Variants in EHBP1 observed in about 807,000 individuals in gnomAD.
The protein encoded by EHBP1 is EH domain-binding protein 1.
Under a neutral mutation model 144.0 loss-of-function variants are expected in EHBP1, and 55 were observed. That is an observed-to-expected ratio of 0.38 (90% CI 0.31 to 0.48). The LOEUF is 0.48. EHBP1 is among the 20% of genes least tolerant of loss of function. EHBP1 has a pLI of 0.98. For synonymous variants in EHBP1, 469 were observed against 472.7 expected (o/e 0.99, Z 0.10); for missense variants, 1,200 against 1,364.2 (o/e 0.88, Z 1.90).
At chr2:62,828,462 A>G (rs927577265) in intron 6 of EHBP1, among the ~76,000 whole-genome samples, 1 of 152,230 alleles carries the variant, frequency 6.6e-6, no homozygotes, top group Non-Finnish European at 1.5e-5. Flanking sequence ...TATCAAATAC[A>G]TGGTATTTAA....
intron 10 of EHBP1, among the ~76,000 whole-genome samples, chr2:62,935,672 T>A (rs562561093): frequency 2.6e-5 from 4 of 152,290 alleles, no homozygotes; most frequent in African/African-American, 4.8e-5. Context: ...GTTTCTTTTT[T>A]AATACATTTT....
chr2:62,746,400 A>G (rs952467188), intron 2 of EHBP1, among the ~76,000 whole-genome samples: 24 of 151,954 alleles, frequency 1.6e-4, no homozygotes, highest in Non-Finnish European at 5.9e-5. Context: ...ATATATATAT[A>G]TGTATTTAAT....
chr2:62,999,296 A>G (rs1467797748), intron 19 of EHBP1, among the ~76,000 whole-genome samples: 1 of 152,174 alleles, frequency 6.6e-6, no homozygotes, highest in Non-Finnish European at 1.5e-5. Context: ...ATATACTTGT[A>G]GATACTGACT....
intron 19 of EHBP1, among the ~76,000 whole-genome samples, chr2:63,027,599 C>G (rs989023875): frequency 1.3e-5 from 2 of 152,168 alleles, no homozygotes; most frequent in Non-Finnish European, 2.9e-5. Flanking sequence ...GGTTTGAGAA[C>G]AAATGTGGGT....
chr2:62,702,312 C>T (rs948648947), upstream of EHBP1, among the ~76,000 whole-genome samples: 4 of 152,154 alleles, frequency 2.6e-5, no homozygotes, highest in South Asian at 6.2e-4. Flanking sequence ...TTGCAGTCAA[C>T]AACCTGGGTC....
intron 19 of EHBP1, among the ~76,000 whole-genome samples, chr2:63,010,692 G>A (rs2060227791): frequency 6.6e-6 from 1 of 151,590 alleles, no homozygotes; most frequent in Admixed American, 6.6e-5. Context: ...AGTTTCCTAG[G>A]TTCCAGTGGT....
At chr2:62,924,818 G>A (rs116129104) in intron 10 of EHBP1, among the ~76,000 whole-genome samples, 3,913 of 152,260 alleles carry the variant, frequency 0.026, 101 homozygotes, top group Non-Finnish European at 0.041. Flanking sequence ...TCCAAAGAAT[G>A]GAAGCAAAGG....
chr2:62,753,206 A>G (rs1182408855), intron 3 of EHBP1, among the ~76,000 whole-genome samples: 1 of 152,144 alleles, frequency 6.6e-6, no homozygotes, highest in Non-Finnish European at 1.5e-5. Flanking sequence ...GATGGTGACA[A>G]AATCTCTCAG....
rs746227773 is a variant in EHBP1 at position 62,874,378 on chromosome 2, C to T, written c.1031C>T (p.Pro344Leu). ...SNPFYEPKSTPPPNNLVNPVQ... is the reference protein window; with the variant it reads ...SNPFYEPKSTLPPNNLVNPVQ... The stretch of plus-strand genomic sequence containing the variant: ...CCTTTTTATGAACCTAAATCAACTC[C>T]TCCTCCAAATAATTTGGTAAATCCT... The change falls in exon 10 of 23, where the codon CCT becomes CTT. Residue 344 changes from proline (P) to leucine (L), a missense_variant. By Grantham distance (98) the Pro-to-Leu change is moderately conservative. Coordinates refer to ENST00000431489, the MANE Select transcript of EHBP1 (RefSeq NM_001142616.3). 9.3e-6 allele frequency: 15 copies of T among 1,606,096 alleles called. No individual in the cohort carries two copies. The highest frequency in any genetic ancestry group is 3.3e-4 in the Middle Eastern group (2 of 6,042).
At chr2:62,760,791 T>C (rs1405933242) in intron 3 of EHBP1, among the ~76,000 whole-genome samples, 1 of 152,236 alleles carries the variant, frequency 6.6e-6, no homozygotes, top group Non-Finnish European at 1.5e-5. Flanking sequence ...CTCCTCCTGG[T>C]TGCTAGTATG....
chr2:62,756,241 A>T (rs1401407803), intron 3 of EHBP1, among the ~76,000 whole-genome samples: 1 of 152,192 alleles, frequency 6.6e-6, no homozygotes, highest in African/African-American at 2.4e-5. Flanking sequence ...TTCATATTGT[A>T]TCAAACATTG....
intron 4 of EHBP1, among the ~76,000 whole-genome samples, chr2:62,764,685 A>G (rs970832522): frequency 6.6e-6 from 1 of 152,124 alleles, no homozygotes; most frequent in African/African-American, 2.4e-5. Flanking sequence ...CTTGACCTTC[A>G]TTTTGTTAGC....
At chr2:62,956,688 GAAA>G (rs552448173) in intron 14 of EHBP1, among the ~76,000 whole-genome samples, 3 of 107,508 alleles carry the variant, frequency 2.8e-5, no homozygotes, top group Non-Finnish European at 2.1e-5. Flanking sequence ...TCTACTTACA[GAAA>G]AAAAAAAAAA....
chr2:62,722,085 C>T (rs1311665896), intron 2 of EHBP1, among the ~76,000 whole-genome samples: 1 of 151,998 alleles, frequency 6.6e-6, no homozygotes, highest in African/African-American at 2.4e-5. Context: ...TACCATAGTG[C>T]CCCCTTACCC....
chr2:62,782,362 C>T (rs1040937417), intron 5 of EHBP1, among the ~76,000 whole-genome samples: 3 of 152,184 alleles, frequency 2.0e-5, no homozygotes, highest in Admixed American at 2.0e-4. Flanking sequence ...GCTTTTCAGA[C>T]ATGGCTATGT....
intron 10 of EHBP1, among the ~76,000 whole-genome samples, chr2:62,905,257 G>A (rs2053704692): frequency 1.3e-5 from 2 of 152,138 alleles, no homozygotes; most frequent in Non-Finnish European, 1.5e-5. Context: ...GAATGGGTTA[G>A]CCAGTAGGAC....
chr2:63,011,193 C>T (rs866792188), intron 19 of EHBP1, among the ~76,000 whole-genome samples: 12 of 148,432 alleles, frequency 8.1e-5, no homozygotes, highest in East Asian at 2.0e-4. Flanking sequence ...CACATGGGCA[C>T]GTTGAGAAAA....
chr2:62,865,960 T>C (rs2050002325), intron 9 of EHBP1, among the ~76,000 whole-genome samples: 1 of 152,202 alleles, frequency 6.6e-6, no homozygotes, highest in Admixed American at 6.5e-5. Context: ...CAGAGATCTG[T>C]AGAAAGCCCC....
chr2:62,902,292 A>G (rs1035207430), intron 10 of EHBP1, among the ~76,000 whole-genome samples: 25 of 152,124 alleles, frequency 1.6e-4, no homozygotes, highest in African/African-American at 6.0e-4. Flanking sequence ...ACGTGGGAGG[A>G]TTGTTGATGC....
Sources: gnomAD v4.1 joint callset for allele counts (sites outside exome capture counted in the v4.1 genomes callset) on GRCh38, gnomAD v4.1.1 for gene constraint, MANE v1.5 for transcripts, NCBI Gene and HGNC (gene_info 2026-07-23, HGNC 2026-07-21) for gene names.